FBXL19: variants seen among roughly 807,000 people sequenced by gnomAD.
The protein encoded by FBXL19 is F-box and leucine rich repeat protein 19.
Under a neutral mutation model 71.2 loss-of-function variants are expected in FBXL19, and 16 were observed. That is an observed-to-expected ratio of 0.22 (90% CI 0.15 to 0.34). FBXL19 has a LOEUF of 0.34. Among genes scored for constraint, FBXL19 ranks in the 10% least tolerant of loss-of-function variants. The pLI is 1.00. For synonymous variants in FBXL19, 447 were observed against 409.4 expected (o/e 1.09, Z -1.11); for missense variants, 658 against 968.2 (o/e 0.68, Z 4.25).
rs1400514012 is a variant in FBXL19 at position 30,930,942 on chromosome 16, G to A, written c.1301+358G>A. Among the ~76,000 whole-genome samples, 2 of 152,138 alleles carry A rather than the reference G, an allele frequency of 1.3e-5. No individual in the cohort carries two copies. Among genetic ancestry groups the A allele is most frequent in the East Asian group, 3.9e-4 (2 of 5,188 alleles). On this transcript the variant is annotated intron_variant, in intron 7 of 10. Coordinates refer to ENST00000338343, the MANE Select transcript of FBXL19 (RefSeq NM_001382779.1). The surrounding 1 kb of genome is among the most constrained non-coding windows in gnomAD (Gnocchi z 8.5). ...GTAGCGACTATATTGAGTGTCTAGT[G>A]TGTGTCAGCCATAGCACTGAGTGCT...
chr16:30,926,324 G>A (rs1033097050), intron 2 of FBXL19, among the ~76,000 whole-genome samples: 13 of 152,324 alleles, frequency 8.5e-5, no homozygotes, highest in African/African-American at 3.1e-4. Context: ...TGGATTTGAG[G>A]CTAAGCTCAC....
Position 30,930,701 on chromosome 16 carries a change from T to C in FBXL19, c.1301+117T>C. 9.0e-7 allele frequency: 1 copy of C among 1,111,750 alleles called. No homozygotes were observed. Among genetic ancestry groups the C allele is most frequent in the Non-Finnish European group, 1.2e-6 (1 of 842,636 alleles). The allele number at this position is 1,111,750 out of a possible 1,614,324, so 68.9% of individuals were successfully genotyped here. ...TGCTTTTATATTGGGGATACTTCTC[T>C]AGTATGCACAGATTACAGTGCATCC... On this transcript the variant is annotated intron_variant, in intron 7 of 10. Coordinates refer to ENST00000338343, the MANE Select transcript of FBXL19 (RefSeq NM_001382779.1). This position sits in a 1 kb window ranked among gnomAD's most constrained non-coding sequence, Gnocchi z 8.5.
intron 7 of FBXL19, among the ~76,000 whole-genome samples, chr16:30,932,839 C>CTTTTTTTTTT (rs1188274971): frequency 7.7e-6 from 1 of 130,480 alleles, no homozygotes; most frequent in Non-Finnish European, 1.6e-5. Context: ...GCAATGATAA[C>CTTTTTTTTTT]TTTTTTTTTT....
rs1287112491 is a variant in FBXL19, at chr16:30,946,994, G to T, written c.1846+46G>T. 6.3e-7 allele frequency: 1 copy of T among 1,579,294 alleles called. No individual in the cohort carries two copies. Among genetic ancestry groups the T allele is most frequent in the East Asian group, 2.3e-5 (1 of 42,966 alleles). On this transcript the variant is annotated intron_variant, in intron 10 of 10. Transcript: ENST00000338343. This position sits in a 1 kb window ranked among gnomAD's most constrained non-coding sequence, Gnocchi z 6.7. The stretch of plus-strand genomic sequence containing the variant: ...GTCCTGCCAGCCTGTGGATCCCCAC[G>T]GCCAGTGCCAACCCCTTGCTCACCT...
chr16:30,923,522 G>A (rs188538403), upstream of FBXL19, among the ~76,000 whole-genome samples: 2 of 144,964 alleles, frequency 1.4e-5, no homozygotes, highest in East Asian at 2.1e-4. Flanking sequence ...AGTAAAGAGG[G>A]GGAGGAGGAG....
chr16:30,933,811 G>A (rs1465100643), intron 7 of FBXL19, among the ~76,000 whole-genome samples: 3 of 150,322 alleles, frequency 2.0e-5, no homozygotes, highest in Non-Finnish European at 4.4e-5. Flanking sequence ...GGAGTGCAAT[G>A]GCATGATCTC....
chr16:30,926,065 G>A, intron 2 of FBXL19, 134 bp downstream of exon 2: 2 of 1,326,004 alleles, frequency 1.5e-6, no homozygotes, highest in Non-Finnish European at 9.6e-7. Context: ...TCATTCACTA[G>A]TTTGTGTCAG....
intron 7 of FBXL19, among the ~76,000 whole-genome samples, chr16:30,939,119 T>C (rs2055770885): frequency 6.6e-6 from 1 of 152,046 alleles, no homozygotes; most frequent in African/African-American, 2.4e-5. Flanking sequence ...TCACCCAGGC[T>C]GGAGTGCAGT....
At chr16:30,944,303 C>G (rs1032718538) in intron 9 of FBXL19, among the ~76,000 whole-genome samples, 1 of 150,462 alleles carries the variant, frequency 6.6e-6, no homozygotes, top group Non-Finnish European at 1.5e-5. Context: ...TATTTCATCA[C>G]CCAGGTATTA....
In FBXL19 at chr16:30,942,325, T is replaced by G; in HGVS notation, c.1465+46T>G. The G allele has an allele frequency of 6.2e-7, 1 of 1,601,356 alleles. No homozygotes were observed. The highest frequency in any genetic ancestry group is 1.3e-5 in the African/African-American group (1 of 74,812). The stretch of plus-strand genomic sequence containing the variant: ...GACAGGGTGGGGACAGGGACAGGCC[T>G]GGGATGGAGTCCTCACAGCACCTGC... On this transcript the variant is annotated intron_variant, in intron 8 of 10. Coordinates refer to ENST00000338343, the MANE Select transcript of FBXL19 (RefSeq NM_001382779.1). This position sits in a 1 kb window ranked among gnomAD's most constrained non-coding sequence, Gnocchi z 5.7.
chr16:30,944,278 G>T (rs916945783), intron 9 of FBXL19, among the ~76,000 whole-genome samples: 7 of 149,682 alleles, frequency 4.7e-5, no homozygotes, highest in Non-Finnish European at 1.0e-4. Context: ...TGTCATGGGG[G>T]TTTGTTGTAC....
At chr16:30,943,664 G>A (rs546003965) in intron 9 of FBXL19, among the ~76,000 whole-genome samples, 2 of 152,066 alleles carry the variant, frequency 1.3e-5, no homozygotes, top group South Asian at 4.1e-4. Context: ...GTTAGCCACC[G>A]CACCCGGCCT....
chr16:30,928,364 T>C, intron 5 of FBXL19, 103 bp from the exon 6 acceptor site: 1 of 1,259,228 alleles, frequency 7.9e-7, no homozygotes, highest in Admixed American at 3.3e-5. Flanking sequence ...CGGGGGCTTC[T>C]GGGACTTGTA....
intron 2 of FBXL19, among the ~76,000 whole-genome samples, chr16:30,927,009 A>G (rs567663613): frequency 6.6e-6 from 1 of 152,294 alleles, no homozygotes; most frequent in African/African-American, 2.4e-5. Flanking sequence ...GGGTCCAGCT[A>G]TAACAGTCAC....
chr16:30,940,317 G>A (rs542399151), intron 7 of FBXL19, among the ~76,000 whole-genome samples: 2 of 152,072 alleles, frequency 1.3e-5, no homozygotes, highest in East Asian at 1.9e-4. Flanking sequence ...CTACTCAGGA[G>A]GCTGAGGTAG....
At chr16:30,923,379 C>T (rs1204805192), upstream of FBXL19, 4 of 376,148 alleles carry the variant, frequency 1.1e-5, no homozygotes, top group African/African-American at 8.4e-5. Context: ...CCCCAGCGTC[C>T]TATTGTTCCC....
Position 30,923,832 on chromosome 16 carries a change from G to T in FBXL19, c.-652G>T, listed in dbSNP as rs941199269. Among the ~76,000 whole-genome samples the T allele has an allele frequency of 2.0e-5, 3 of 151,616 alleles. No individual in the cohort carries two copies. ...AGGTCGGGGGTGCGCGCGGGCTGGG[G>T]GGGGCGGGGCCGGAGCAGCTTCCTT... On this transcript the variant is annotated 5_prime_UTR_variant, in exon 1 of 11. Transcript: ENST00000338343.
intron 1 of FBXL19, chr16:30,924,722 T>C (rs2055570167): frequency 2.0e-6 from 3 of 1,499,226 alleles, no homozygotes; most frequent in Non-Finnish European, 1.8e-6. Flanking sequence ...GAGGGCCCCT[T>C]AGCCCCATGG....
chr16:30,947,899 C>T lies in FBXL19; in HGVS notation c.*669C>T. The T allele has an allele frequency of 2.2e-6, 1 of 455,034 alleles. No individual in the cohort carries two copies. Among genetic ancestry groups the T allele is most frequent in the African/African-American group, 2.0e-5 (1 of 50,148 alleles). The allele number at this position is 455,034 out of a possible 1,614,324, so 28.2% of individuals were successfully genotyped here. ...ACTCCTTGAACGTCACTGAAAACGG[C>T]AGCTATTGCAAGGAGTGGGGGCCGC... On this transcript the variant is annotated 3_prime_UTR_variant, in exon 11 of 11. Coordinates refer to ENST00000338343, the MANE Select transcript of FBXL19 (RefSeq NM_001382779.1).
Sources: gnomAD v4.1 joint callset for allele counts (sites outside exome capture counted in the v4.1 genomes callset) on GRCh38, gnomAD v4.1.1 for gene constraint, Gnocchi (gnomAD v3.1) non-coding constraint, MANE v1.5 for transcripts, NCBI Gene and HGNC (gene_info 2026-07-23, HGNC 2026-07-21) for gene names.